The following NRDC variants were observed in gnomAD, a reference collection of about 807,000 sequenced individuals.
NRDC encodes nardilysin convertase.
NRDC carries 54 observed loss-of-function variants against 147.1 expected under a neutral mutation model. That is an observed-to-expected ratio of 0.37 (90% confidence interval 0.29 to 0.46). NRDC has a LOEUF of 0.46. Among genes scored for constraint, NRDC ranks in the 20% least tolerant of loss-of-function variants. The probability of loss-of-function intolerance (pLI) is 1.00; values close to 1 mark genes in which losing one functional copy is unlikely to be tolerated. For synonymous variants in NRDC, 440 were observed against 482.1 expected, an observed-to-expected ratio of 0.91 and a Z score of 1.14; for missense variants, 1,082 against 1,370.6, an observed-to-expected ratio of 0.79 and a Z score of 3.33.
At chr1:51,874,026 C>A (rs1683208934) in intron 1 of NRDC, among the ~76,000 whole-genome samples, 2 of 148,966 alleles carry the variant, frequency 1.3e-5, no homozygotes, top group Non-Finnish European at 3.0e-5. Context: ...CCTGCCCCCA[C>A]CACCACCTCC....
chr1:51,840,522 G>T lies in NRDC; in HGVS notation c.342-8C>A. On this transcript the variant is annotated splice_region_variant and splice_polypyrimidine_tract_variant and intron_variant, in intron 1 of 30. Coordinates refer to ENST00000352171, the MANE Select transcript of NRDC (RefSeq NM_001101662.2). Reference sequence around the variant, plus strand: ...TTCTGTAATTTGATGTATCTGGGGGGAGAAAAAAAAAATCACACATTTTGA... The same window carrying T: ...TTCTGTAATTTGATGTATCTGGGGGTAGAAAAAAAAAATCACACATTTTGA... The T allele has an allele frequency of 1.3e-6, 2 of 1,554,142 alleles. No homozygotes were observed. The highest frequency in any genetic ancestry group is 1.2e-5 in the South Asian group (1 of 82,364).
At position 51,840,321 on chromosome 1, in the gene NRDC, C is replaced by T; in HGVS notation, c.535G>A (p.Asp179Asn). 1 of 1,550,204 alleles carries T rather than the reference C, an allele frequency of 6.5e-7. No individual in the cohort carries two copies. The highest frequency in any genetic ancestry group is 2.2e-5 in the East Asian group (1 of 44,508). The change falls in exon 2 of 31, where the codon GAT (aspartate) becomes AAT (asparagine). Residue 179 changes from aspartate (D) to asparagine (N), a missense_variant. This residue lies in a region of NRDC where 260 missense variants were observed against 253.2 expected (regional missense o/e 1.03). Transcript: ENST00000352171. ...EEGFDDEDEF[D>N]DEHDDDLDTE... ...TCAAGATCATCATCATGTTCATCAT[C>T]AAACTCATCTTCATCATCAAAACCC... is the stretch of plus-strand genomic sequence containing the variant.
chr1:51,831,178 T>C (rs189037979), intron 4 of NRDC, among the ~76,000 whole-genome samples: 25 of 152,290 alleles, frequency 1.6e-4, no homozygotes, highest in Admixed American at 3.3e-4. Flanking sequence ...AAAACATATT[T>C]AGAACAACTC....
In NRDC at chr1:51,812,084, C is replaced by T. The variant is rs1224442186; in HGVS notation, c.1689G>A (p.Glu563=). The change falls in exon 15 of 31, where the codon GAG becomes GAA. Residue 563 remains glutamate, a synonymous_variant. Coordinates refer to ENST00000352171, the MANE Select transcript of NRDC (RefSeq NM_001101662.2). ...FHYQEQTDPV[E]YVENMCENMQ... is the part of the protein sequence containing the mutation. Reference sequence around the variant, plus strand: ...TGTTCTCACACATGTTTTCCACATACTCAACTGGATCTGTCTGTAAAGAGG... The same window carrying T: ...TGTTCTCACACATGTTTTCCACATATTCAACTGGATCTGTCTGTAAAGAGG... 4 of 1,612,966 alleles carry T rather than the reference C, an allele frequency of 2.5e-6. No individual in the cohort carries two copies. The highest frequency in any genetic ancestry group is 3.4e-6 in the Non-Finnish European group (4 of 1,179,048).
At chr1:51,791,048 G>C in intron 27 of NRDC, 58 bp from the exon 28 acceptor site, 1 of 1,234,040 alleles carries the variant, frequency 8.1e-7, no homozygotes, top group Non-Finnish European at 1.2e-6. Flanking sequence ...TAAGTCATCA[G>C]AAACCCGATC....
chr1:51,877,415 C>T (rs1683385264), intron 1 of NRDC, among the ~76,000 whole-genome samples: 1 of 152,154 alleles, frequency 6.6e-6, no homozygotes, highest in Non-Finnish European at 1.5e-5. Context: ...AATCCCAGTA[C>T]TTTGGGAGGC....
chr1:51,804,207 A>T (rs1363935349), intron 19 of NRDC, among the ~76,000 whole-genome samples: 1 of 152,218 alleles, frequency 6.6e-6, no homozygotes, highest in Non-Finnish European at 1.5e-5. Flanking sequence ...TAATATTTAT[A>T]TTGTACAATG....
chr1:51,814,562 G>T lies in NRDC; in HGVS notation c.1608C>A (p.Gly536=). 2 of 1,612,936 alleles carry T rather than the reference G, an allele frequency of 1.2e-6. No homozygotes were observed. Among genetic ancestry groups the T allele is most frequent in the Non-Finnish European group, 1.7e-6 (2 of 1,179,296 alleles). The stretch of plus-strand genomic sequence containing the variant: ...GAAGTGTTTATTACCTTTTTTCTGG[G>T]CCTAGCTTCTGCAGCATTTTTAAAT... ...FQYLKMLQKL[G]PEKRIFEEIR... Residue 536 remains glycine, a synonymous_variant, in exon 13 of 31, where the codon GGC becomes GGA. Transcript: ENST00000352171.
At chr1:51,800,799 G>A in intron 20 of NRDC, 116 bp from the exon 21 acceptor site, 2 of 976,210 alleles carry the variant, frequency 2.0e-6, no homozygotes, top group South Asian at 3.4e-5. Context: ...GGCATTGTGG[G>A]GGGACATAAG....
chr1:51,817,212 C>T (rs1680008282), intron 10 of NRDC, among the ~76,000 whole-genome samples: 1 of 152,248 alleles, frequency 6.6e-6, no homozygotes, highest in Non-Finnish European at 1.5e-5. Flanking sequence ...CCCATACAAC[C>T]TTGTTTAAAA....
chr1:51,869,136 G>A (rs886302136), intron 1 of NRDC, among the ~76,000 whole-genome samples: 2 of 151,948 alleles, frequency 1.3e-5, no homozygotes, highest in African/African-American at 4.8e-5. Flanking sequence ...TTTTTGTAGA[G>A]GTAGGGTCTT....
chr1:51,799,859 C>G (rs949314884), intron 21 of NRDC, among the ~76,000 whole-genome samples: 4 of 152,218 alleles, frequency 2.6e-5, no homozygotes, highest in African/African-American at 9.6e-5. Context: ...CTTCTGGAAG[C>G]TTGGCTGAAT....
chr1:51,820,363 AAC>A (rs1295030572), intron 8 of NRDC, among the ~76,000 whole-genome samples: 3 of 152,158 alleles, frequency 2.0e-5, no homozygotes, highest in Non-Finnish European at 4.4e-5. Context: ...TTTCTTCCAA[AAC>A]ACAGTTGATG....
At chr1:51,869,486 G>C (rs971706605) in intron 1 of NRDC, among the ~76,000 whole-genome samples, 3 of 152,044 alleles carry the variant, frequency 2.0e-5, no homozygotes, top group African/African-American at 7.2e-5. Context: ...TAACAGTAAT[G>C]TTTTTTCCTT....
rs374635707 is a variant in NRDC at position 51,836,220 on chromosome 1, A to G, written c.631-8T>C. On this transcript the variant is annotated splice_region_variant and splice_polypyrimidine_tract_variant and intron_variant, in intron 2 of 30. Transcript: ENST00000352171. ...ACAAAGAGCCGCTGCAGACTGGAGT[A>G]ATTAGAACACATACAAATAGTTGAG... 2 of 1,613,488 alleles carry G rather than the reference A, an allele frequency of 1.2e-6. No homozygotes were observed. Among genetic ancestry groups the G allele is most frequent in the Non-Finnish European group, 1.7e-6 (2 of 1,179,388 alleles).
chr1:51,821,902 T>G (rs568088843), intron 7 of NRDC, among the ~76,000 whole-genome samples: 1 of 152,292 alleles, frequency 6.6e-6, no homozygotes, highest in African/African-American at 2.4e-5. Flanking sequence ...ACTTACATCC[T>G]CTTGGAAGGT....
In NRDC at chr1:51,809,375, A is replaced by G; in HGVS notation, c.1930T>C (p.Trp644Arg). ...EDIENSWAEL[W>R]NSNFELNPDL... ...GGATTTAATTCGAAATTACTATTCC[A>G]CAGTTCAGCCCAAGAGTTTTCAATA... is the stretch of plus-strand genomic sequence containing the variant. The change falls in exon 17 of 31, where the codon TGG becomes CGG. Residue 644 changes from tryptophan (W) to arginine (R), a missense_variant. Around this residue, in one of 3 missense-constraint regions of NRDC, gnomAD observed 635 missense variants for 923.8 expected, o/e 0.69. Transcript: ENST00000352171. 6.2e-7 allele frequency: 1 copy of G among 1,613,634 alleles called. No individual in the cohort carries two copies.
intron 1 of NRDC, among the ~76,000 whole-genome samples, chr1:51,877,146 C>CACTCCAG (rs1557946117): frequency 6.6e-6 from 1 of 151,488 alleles, no homozygotes; most frequent in African/African-American, 2.4e-5. Flanking sequence ...CAAGATCGCG[C>CACTCCAG]CACTGCACTC....
intron 1 of NRDC, among the ~76,000 whole-genome samples, chr1:51,868,795 C>T (rs180945848): frequency 3.8e-3 from 579 of 152,126 alleles, no homozygotes; most frequent in Non-Finnish European, 6.1e-3. Flanking sequence ...ATCACTTGAG[C>T]CTGGGAGGTG....
Sources: gnomAD v4.1 joint callset for allele counts (sites outside exome capture counted in the v4.1 genomes callset) on GRCh38, gnomAD v4.1.1 for gene constraint, gnomAD v4.1.1 regional missense constraint, MANE v1.5 for transcripts, NCBI Gene and HGNC (gene_info 2026-07-23, HGNC 2026-07-21) for gene names.